Variants in PDE10A observed in about 807,000 individuals in gnomAD.
PDE10A encodes phosphodiesterase 10A.
Under a neutral mutation model 97.7 loss-of-function variants are expected in PDE10A, and 39 were observed. The observed-to-expected ratio is 0.40, with a 90% CI of 0.31 to 0.52. The LOEUF is 0.52. Ranked by LOEUF, PDE10A falls within the 20% of genes least tolerant of loss-of-function variation. The pLI, the probability that PDE10A is intolerant of heterozygous loss-of-function variation, is 0.56. For synonymous variants in PDE10A, 371 were observed against 376.8 expected, an observed-to-expected ratio of 0.98 and a Z score of 0.18; for missense variants, 731 against 1,047.8, an observed-to-expected ratio of 0.70 and a Z score of 4.17.
At chr6:165,432,102 GGAGATACT>G (rs1789617057) in intron 7 of PDE10A, among the ~76,000 whole-genome samples, 1 of 152,136 alleles carries the variant, frequency 6.6e-6, no homozygotes. Flanking sequence ...TCTAGGTGCT[GGAGATACT>G]GTAGTAAATA....
chr6:165,987,414 T>A, intron 1 of PDE10A: 2 of 294,648 alleles, frequency 6.8e-6, no homozygotes, highest in Non-Finnish European at 1.3e-5. Context: ...CCAAAAAGGG[T>A]GGAGGGAAAG....
At chr6:165,574,804 T>C (rs1785222284) in intron 1 of PDE10A, among the ~76,000 whole-genome samples, 1 of 152,164 alleles carries the variant, frequency 6.6e-6, no homozygotes, top group Admixed American at 6.5e-5. Flanking sequence ...AATAAAACAA[T>C]AGATTTCTGA....
At chr6:165,471,810 C>T (rs965239318) in intron 3 of PDE10A, among the ~76,000 whole-genome samples, 11 of 152,166 alleles carry the variant, frequency 7.2e-5, no homozygotes, top group Non-Finnish European at 1.5e-4. Flanking sequence ...ACTTACTACA[C>T]TAGCCTTCTA....
chr6:165,986,877 T>C (rs1374822716), intron 1 of PDE10A, among the ~76,000 whole-genome samples: 1 of 152,126 alleles, frequency 6.6e-6, no homozygotes, highest in Non-Finnish European at 1.5e-5. Context: ...AATAAAATGC[T>C]GCAGAATGCA....
chr6:165,435,042 C>T (rs913164627), intron 6 of PDE10A, among the ~76,000 whole-genome samples, 195 bp downstream of exon 6: 2 of 152,164 alleles, frequency 1.3e-5, no homozygotes, highest in Non-Finnish European at 2.9e-5. Context: ...GAACTGTGCA[C>T]ATTTAGCTGT....
At chr6:165,387,660 G>T (rs1283814332) in intron 17 of PDE10A, among the ~76,000 whole-genome samples, 1 of 152,204 alleles carries the variant, frequency 6.6e-6, no homozygotes, top group African/African-American at 2.4e-5. Flanking sequence ...TGCTGACAGT[G>T]AGAGGAAAAT....
chr6:165,718,964 C>T (rs971553209), intron 1 of PDE10A, among the ~76,000 whole-genome samples: 11 of 151,898 alleles, frequency 7.2e-5, no homozygotes, highest in African/African-American at 2.4e-4. Flanking sequence ...ATATTGCATT[C>T]ATGTTAAAAT....
At chr6:165,741,145 T>A (rs988955063) in intron 1 of PDE10A, among the ~76,000 whole-genome samples, 2 of 152,152 alleles carry the variant, frequency 1.3e-5, no homozygotes, top group African/African-American at 4.8e-5. Flanking sequence ...TACAAAAAGG[T>A]AACTATATGA....
At chr6:165,886,607 A>T (rs1781638840) in intron 1 of PDE10A, among the ~76,000 whole-genome samples, 1 of 152,152 alleles carries the variant, frequency 6.6e-6, no homozygotes, top group Non-Finnish European at 1.5e-5. Context: ...CAAAATGGAA[A>T]CTTCTTGGCC....
chr6:165,379,670 A>G (rs1481257268), intron 17 of PDE10A, among the ~76,000 whole-genome samples: 2 of 152,178 alleles, frequency 1.3e-5, no homozygotes, highest in Non-Finnish European at 2.9e-5. Flanking sequence ...GATATTTCTA[A>G]TAGTTTAAAA....
chr6:165,814,242 A>G, intron 1 of PDE10A, among the ~76,000 whole-genome samples: 1 of 152,110 alleles, frequency 6.6e-6, no homozygotes, highest in Non-Finnish European at 1.5e-5. Context: ...CCGTGCAGCA[A>G]GGCTTCCTAG....
chr6:165,921,146 G>A (rs1414598579), intron 1 of PDE10A, among the ~76,000 whole-genome samples: 1 of 152,170 alleles, frequency 6.6e-6, no homozygotes, highest in Non-Finnish European at 1.5e-5. Flanking sequence ...TTTCCCCAGT[G>A]CCAGCCATAC....
At chr6:165,369,639 G>T (rs947045357) in intron 18 of PDE10A, among the ~76,000 whole-genome samples, 1 of 143,376 alleles carries the variant, frequency 7.0e-6, no homozygotes, top group Non-Finnish European at 1.5e-5. Context: ...ATGGAACCAA[G>T]TTGGAAAACA....
intron 1 of PDE10A, among the ~76,000 whole-genome samples, chr6:165,920,800 T>C (rs1323806673): frequency 6.6e-6 from 1 of 152,214 alleles, no homozygotes; most frequent in Non-Finnish European, 1.5e-5. Context: ...CACTAGACCA[T>C]ATTCCATGGG....
At chr6:165,882,329 A>T (rs2128480646) in intron 1 of PDE10A, among the ~76,000 whole-genome samples, 1 of 152,360 alleles carries the variant, frequency 6.6e-6, no homozygotes. Flanking sequence ...CTGGTGTCCA[A>T]GGCAGTGTCT....
intron 1 of PDE10A, among the ~76,000 whole-genome samples, chr6:165,811,137 T>A (rs1229409769): frequency 6.6e-6 from 1 of 152,098 alleles, no homozygotes; most frequent in Non-Finnish European, 1.5e-5. Context: ...GCAGGAGAAT[T>A]GCTTGAACCC....
chr6:165,351,861 G>T (rs1583092568), intron 18 of PDE10A, among the ~76,000 whole-genome samples: 1 of 152,072 alleles, frequency 6.6e-6, no homozygotes, highest in Admixed American at 6.6e-5. Flanking sequence ...TAACATTTGA[G>T]AATTTTTTTT....
intron 5 of PDE10A, among the ~76,000 whole-genome samples, chr6:165,448,344 G>A (rs1005247603): frequency 2.0e-5 from 3 of 152,016 alleles, no homozygotes; most frequent in Non-Finnish European, 2.9e-5. Flanking sequence ...TGCATTTTCC[G>A]GCGGGCTGTG....
At chr6:165,754,769 C>T (rs1469274172) in intron 1 of PDE10A, among the ~76,000 whole-genome samples, 1 of 152,092 alleles carries the variant, frequency 6.6e-6, no homozygotes, top group Non-Finnish European at 1.5e-5. Flanking sequence ...TAGTAATAGT[C>T]CCTTATTGAT....
Sources: gnomAD v4.1 joint callset for allele counts (sites outside exome capture counted in the v4.1 genomes callset) on GRCh38, gnomAD v4.1.1 for gene constraint, MANE v1.5 for transcripts, NCBI Gene and HGNC (gene_info 2026-07-23, HGNC 2026-07-21) for gene names.